The following STK32C variants were observed in gnomAD, a reference collection of about 807,000 sequenced individuals.
STK32C encodes serine/threonine-protein kinase 32C.
Under a neutral mutation model 56.5 loss-of-function variants are expected in STK32C, and 31 were observed. The ratio of observed to expected loss-of-function variants is 0.55; its 90% confidence interval spans 0.41 to 0.74. STK32C has a LOEUF of 0.74. Among genes scored for constraint, STK32C ranks in the 30% least tolerant of loss-of-function variants. The pLI, the probability that STK32C is intolerant of heterozygous loss-of-function variation, is 0.00. For missense variants in STK32C, 544 were observed against 676.9 expected (o/e 0.80, Z 2.18); for synonymous variants, 309 against 289.4 (o/e 1.07, Z -0.69).
intron 1 of STK32C, among the ~76,000 whole-genome samples, chr10:132,270,061 C>T (rs1014055427): frequency 3.9e-5 from 6 of 152,228 alleles, no homozygotes; most frequent in African/African-American, 1.4e-4. Context: ...GGGACAGCGT[C>T]CCCTCAACCT....
At chr10:132,285,227 T>C (rs575795406) in intron 1 of STK32C, among the ~76,000 whole-genome samples, 2 of 152,006 alleles carry the variant, frequency 1.3e-5, no homozygotes, top group Admixed American at 6.5e-5. Context: ...CCAGAACACA[T>C]TCCCACACCT....
chr10:132,260,682 G>A (rs751242647), intron 1 of STK32C, among the ~76,000 whole-genome samples: 9 of 152,356 alleles, frequency 5.9e-5, no homozygotes, highest in South Asian at 2.1e-4. Flanking sequence ...CCAGGGCCCC[G>A]TGATCGAGTC....
intron 1 of STK32C, among the ~76,000 whole-genome samples, chr10:132,317,549 T>C (rs533255426): frequency 1.9e-3 from 282 of 152,296 alleles, no homozygotes; most frequent in African/African-American, 6.4e-3. Context: ...AAGACCAGCC[T>C]GGCAACATAA....
intron 1 of STK32C, among the ~76,000 whole-genome samples, chr10:132,273,575 G>T (rs182737079): frequency 6.9e-6 from 1 of 144,992 alleles, no homozygotes; most frequent in Non-Finnish European, 1.5e-5. Context: ...CACATGGTGA[G>T]TGAATGAATA....
intron 10 of STK32C, among the ~76,000 whole-genome samples, chr10:132,220,494 G>A (rs759782242): frequency 1.4e-4 from 21 of 152,184 alleles, no homozygotes; most frequent in Admixed American, 3.3e-4. Flanking sequence ...CACGAACCAC[G>A]TCCACATTGG....
At chr10:132,311,131 C>T (rs551070459), upstream of STK32C, among the ~76,000 whole-genome samples, 1 of 152,296 alleles carries the variant, frequency 6.6e-6, no homozygotes, top group East Asian at 1.9e-4. The surrounding 1 kb of genome is among the most constrained non-coding windows in gnomAD (Gnocchi z 4.4). Flanking sequence ...ATGGGTCCTC[C>T]GTTGCCACAT....
intron 1 of STK32C, among the ~76,000 whole-genome samples, chr10:132,271,245 G>A (rs976296615): frequency 3.9e-5 from 6 of 152,222 alleles, no homozygotes; most frequent in South Asian, 2.1e-4. Flanking sequence ...AGCCAGCTTC[G>A]GCCTCCACGT....
chr10:132,292,906 C>T (rs960239265), intron 1 of STK32C, among the ~76,000 whole-genome samples: 1 of 151,682 alleles, frequency 6.6e-6, no homozygotes, highest in East Asian at 1.9e-4. Context: ...TCCCTCCCCC[C>T]TCCCTTCCCC....
At chr10:132,315,421 A>C (rs1258547981) in intron 1 of STK32C, among the ~76,000 whole-genome samples, 1 of 152,216 alleles carries the variant, frequency 6.6e-6, no homozygotes, top group African/African-American at 2.4e-5. Context: ...CCAGCATGGC[A>C]CATGTATAGC....
At position 132,307,511 on chromosome 10, in the gene STK32C, C is replaced by T; in HGVS notation, c.262+61G>A. 6.7e-7 allele frequency: 1 copy of T among 1,489,658 alleles called. No homozygotes were observed. Among genetic ancestry groups the T allele is most frequent in the South Asian group, 1.2e-5 (1 of 81,050 alleles). The allele number at this position is 1,489,658 out of a possible 1,614,324, so 92.3% of individuals were successfully genotyped here. On this transcript the variant is annotated intron_variant, in intron 1 of 11. Transcript: ENST00000298630. The surrounding 1 kb of genome is among the most constrained non-coding windows in gnomAD (Gnocchi z 4.4). ...GGAACCCCTGCGGGAAAAAGCCGCC[C>T]AGCCGCGCCCGCCCCTGCAATAGCG... is the stretch of plus-strand genomic sequence containing the variant.
At chr10:132,302,069 TGACTGGGGGTCCGGGACA>T (rs2065926194) in intron 1 of STK32C, among the ~76,000 whole-genome samples, 1 of 152,052 alleles carries the variant, frequency 6.6e-6, no homozygotes, top group South Asian at 2.1e-4. Context: ...AAGTCCTGGG[TGACTGGGGGTCCGGGACA>T]GGCAGGAAAG....
At chr10:132,298,814 G>A (rs919836522) in intron 1 of STK32C, among the ~76,000 whole-genome samples, 10 of 152,102 alleles carry the variant, frequency 6.6e-5, no homozygotes, top group East Asian at 1.9e-4. Flanking sequence ...GGAAGTGGTC[G>A]CTCCAGTCCC....
chr10:132,242,221 G>A (rs1028785621), intron 2 of STK32C, among the ~76,000 whole-genome samples: 5 of 152,176 alleles, frequency 3.3e-5, no homozygotes, highest in African/African-American at 1.2e-4. Flanking sequence ...ATGTATGGGG[G>A]CCAGGGGCTG....
chr10:132,279,998 ACT>A (rs540879603), intron 1 of STK32C, among the ~76,000 whole-genome samples: 261 of 125,538 alleles, frequency 2.1e-3, no homozygotes, highest in African/African-American at 6.4e-3. Context: ...ACGCCCCTGC[ACT>A]CTGTGACCAC....
chr10:132,226,896 G>A lies in STK32C; in HGVS notation c.543C>T (p.His181=). The stretch of plus-strand genomic sequence containing the variant: ...CGGAGAACTGCACGTTCTGCTGCAG[G>A]TGGTAGCGCAGGTCCCCGCCCAGTA... ...DLLLGGDLRY[H]LQQNVQFSED... The change falls in exon 4 of 12, where the codon CAC becomes CAT. Residue 181 remains histidine (H), a synonymous_variant. Transcript: ENST00000298630. 1.2e-6 allele frequency: 2 copies of A among 1,613,494 alleles called. No individual in the cohort carries two copies.
intron 1 of STK32C, among the ~76,000 whole-genome samples, chr10:132,278,271 C>T (rs1286509967): frequency 6.6e-6 from 1 of 152,128 alleles, no homozygotes; most frequent in African/African-American, 2.4e-5. Flanking sequence ...ATGCCCCGCA[C>T]ATGCCATGCC....
intron 6 of STK32C, 60 bp downstream of exon 6, chr10:132,225,467 G>T: frequency 5.6e-6 from 9 of 1,606,410 alleles, no homozygotes; most frequent in Non-Finnish European, 7.7e-6. Context: ...AGCCACCGAG[G>T]TCTTGTCCTT....
rs111945108 is a variant in STK32C at position 132,212,238 on chromosome 10, G to A, written c.1252-3137C>T. ...ACAGTTATCAAGATGGTGCAGTCCC[G>A]GCGCAGGGCAGACGTCTGGACCAAT... is the stretch of plus-strand genomic sequence containing the variant. On this transcript the variant is annotated intron_variant, in intron 10 of 11. Transcript: ENST00000298630. Among the ~76,000 whole-genome samples the A allele has an allele frequency of 5.9e-3, 905 of 152,258 alleles. 14 individuals carry two copies. Among genetic ancestry groups the A allele is most frequent in the African/African-American group, 0.02 (837 of 41,532 alleles).
rs776109575 is a variant in STK32C, at chr10:132,307,610, G to A, written c.224C>T (p.Ala75Val). The A allele has an allele frequency of 4.5e-6, 7 of 1,539,944 alleles. No homozygotes were observed. Among genetic ancestry groups the A allele is most frequent in the Admixed American group, 3.8e-5 (2 of 52,794 alleles). The change falls in exon 1 of 12, where the codon GCC (alanine) becomes GTC (valine). Residue 75 changes from alanine to valine, a missense_variant. Coordinates refer to ENST00000298630, the MANE Select transcript of STK32C (RefSeq NM_173575.4). This position sits in a 1 kb window ranked among gnomAD's most constrained non-coding sequence, Gnocchi z 4.4. ...KKRMGSSMSA[A>V]TARRPVFDDK... ...GTCAAACACCGGCCTCCGCGCGGTG[G>A]CCGCCGACATGGACGAGCCCATCCT...
Sources: allele counts gnomAD v4.1 joint callset (sites outside exome capture counted in the v4.1 genomes callset), GRCh38; gene constraint gnomAD v4.1.1; non-coding constraint Gnocchi (gnomAD v3.1); transcripts MANE v1.5; gene names NCBI Gene and HGNC (gene_info 2026-07-23, HGNC 2026-07-21).